Variants in CTNNA2 observed in about 807,000 individuals in gnomAD.
The protein encoded by CTNNA2 is catenin alpha 2.
CTNNA2 carries 42 observed loss-of-function variants against 101.0 expected under a neutral mutation model. The ratio of observed to expected loss-of-function variants is 0.42; its 90% CI spans 0.32 to 0.54. The LOEUF is 0.54. Ranked by LOEUF, CTNNA2 falls within the 20% of genes least tolerant of loss-of-function variation. The pLI, the probability that CTNNA2 is intolerant of heterozygous loss-of-function variation, is 0.14. For synonymous variants in CTNNA2, 450 were observed against 456.4 expected, an observed-to-expected ratio of 0.99 and a Z score of 0.18; for missense variants, 871 against 1,223.1, an observed-to-expected ratio of 0.71 and a Z score of 4.29.
chr2:79,476,732 T>G (rs1671054684), intron 4 of CTNNA2, among the ~76,000 whole-genome samples: 1 of 152,234 alleles, frequency 6.6e-6, no homozygotes, highest in African/African-American at 2.4e-5. Context: ...GTCTGCAGTT[T>G]CTTCAGCTAA....
At chr2:79,722,144 G>T (rs1686527927) in intron 2 of CTNNA2, among the ~76,000 whole-genome samples, 1 of 152,108 alleles carries the variant, frequency 6.6e-6, no homozygotes, top group African/African-American at 2.4e-5. Flanking sequence ...TACATTTTTT[G>T]AACACCCACT....
chr2:79,279,061 C>A (rs890800886), intron 2 of CTNNA2, among the ~76,000 whole-genome samples: 1 of 152,060 alleles, frequency 6.6e-6, no homozygotes, highest in Non-Finnish European at 1.5e-5. Context: ...GATTCATAAG[C>A]ATTTGTTGTG....
intron 9 of CTNNA2, among the ~76,000 whole-genome samples, chr2:80,490,415 T>C (rs1021000836): frequency 1.3e-5 from 2 of 152,006 alleles, no homozygotes; most frequent in Non-Finnish European, 2.9e-5. Flanking sequence ...GAATGAATGA[T>C]TGTAGCTGTG....
intron 7 of CTNNA2, among the ~76,000 whole-genome samples, chr2:79,980,399 G>A (rs1691176959): frequency 6.6e-6 from 1 of 152,104 alleles, no homozygotes; most frequent in African/African-American, 2.4e-5. Context: ...ACATTGATTA[G>A]TACTGGTAAT....
At chr2:79,503,479 A>G (rs1671347963) in intron 4 of CTNNA2, among the ~76,000 whole-genome samples, 1 of 152,180 alleles carries the variant, frequency 6.6e-6, no homozygotes, top group African/African-American at 2.4e-5. Context: ...AAGTGCAGCA[A>G]TGGTGTCACA....
chr2:79,234,381 G>A (rs1313916695), intron 2 of CTNNA2, among the ~76,000 whole-genome samples: 1 of 152,152 alleles, frequency 6.6e-6, no homozygotes, highest in African/African-American at 2.4e-5. Context: ...CCTCTGGCTT[G>A]TAGGGTTTCT....
At chr2:80,453,054 C>T (rs953531897) in intron 9 of CTNNA2, among the ~76,000 whole-genome samples, 3 of 152,072 alleles carry the variant, frequency 2.0e-5, no homozygotes, top group Non-Finnish European at 4.4e-5. Flanking sequence ...ACAGACTGGC[C>T]ACACCCAGTG....
intron 7 of CTNNA2, among the ~76,000 whole-genome samples, chr2:80,391,323 T>G (rs529534982): frequency 6.6e-6 from 1 of 152,294 alleles, no homozygotes; most frequent in South Asian, 2.1e-4. Flanking sequence ...GATATGGCAC[T>G]GGCAGGATGG....
At chr2:80,572,583 A>C (rs1694693447) in intron 12 of CTNNA2, 2 of 152,232 alleles carry the variant, frequency 1.3e-5, no homozygotes, top group Admixed American at 6.5e-5. Context: ...ACTTATTCTC[A>C]AATTCTAATA....
intron 4 of CTNNA2, among the ~76,000 whole-genome samples, chr2:79,865,666 G>C (rs556985554): frequency 6.6e-6 from 1 of 152,336 alleles, no homozygotes; most frequent in East Asian, 1.9e-4. Context: ...CCTTATGGTA[G>C]ACTCTGCATA....
At chr2:79,645,266 C>T (rs1268400717) in intron 1 of CTNNA2, among the ~76,000 whole-genome samples, 2 of 152,062 alleles carry the variant, frequency 1.3e-5, no homozygotes, top group Non-Finnish European at 1.5e-5. Context: ...GGATTATAGA[C>T]GAGAGCAATC....
At chr2:80,011,849 T>C (rs561087142) in intron 7 of CTNNA2, among the ~76,000 whole-genome samples, 1 of 152,282 alleles carries the variant, frequency 6.6e-6, no homozygotes, top group East Asian at 1.9e-4. Context: ...TTGGTTTCAT[T>C]TTAAAGTAGT....
At chr2:79,337,171 T>C (rs1036441745) in intron 3 of CTNNA2, among the ~76,000 whole-genome samples, 1 of 152,230 alleles carries the variant, frequency 6.6e-6, no homozygotes, top group African/African-American at 2.4e-5. Flanking sequence ...GAGATTTCTC[T>C]GCAGCAAAGC....
intron 7 of CTNNA2, among the ~76,000 whole-genome samples, chr2:79,910,092 A>G (rs771123801): frequency 6.6e-6 from 1 of 152,156 alleles, no homozygotes; most frequent in Admixed American, 6.5e-5. Flanking sequence ...AGTAGGTAAG[A>G]TTTCAATTGG....
chr2:79,790,407 A>G (rs1675181284), intron 3 of CTNNA2, among the ~76,000 whole-genome samples: 1 of 152,184 alleles, frequency 6.6e-6, no homozygotes, highest in Non-Finnish European at 1.5e-5. Context: ...AATAATTGGT[A>G]ACCTTTGTGA....
At chr2:79,671,886 GTTTTC>G (rs891949688) in intron 2 of CTNNA2, among the ~76,000 whole-genome samples, 2 of 152,176 alleles carry the variant, frequency 1.3e-5, no homozygotes, top group African/African-American at 4.8e-5. Flanking sequence ...AAGGTAAAAG[GTTTTC>G]TTTTCTGTAG....
At chr2:80,510,304 G>A (rs867945044) in intron 9 of CTNNA2, among the ~76,000 whole-genome samples, 4 of 152,110 alleles carry the variant, frequency 2.6e-5, no homozygotes, top group South Asian at 2.1e-4. Flanking sequence ...ATCTCATGAA[G>A]CTACTTCCTT....
At chr2:79,938,709 C>T (rs1406760807) in intron 7 of CTNNA2, among the ~76,000 whole-genome samples, 1 of 152,032 alleles carries the variant, frequency 6.6e-6, no homozygotes, top group East Asian at 1.9e-4. Flanking sequence ...ATGGCACTTG[C>T]CAATTTTTTT....
At chr2:80,293,773 G>A (rs1675477027) in intron 7 of CTNNA2, among the ~76,000 whole-genome samples, 1 of 152,150 alleles carries the variant, frequency 6.6e-6, no homozygotes, top group Non-Finnish European at 1.5e-5. Flanking sequence ...GCAAATCTGC[G>A]GATGCAGTGG....
Sources: gnomAD v4.1 joint callset for allele counts (sites outside exome capture counted in the v4.1 genomes callset) on GRCh38, gnomAD v4.1.1 for gene constraint, MANE v1.5 for transcripts, NCBI Gene and HGNC (gene_info 2026-07-23, HGNC 2026-07-21) for gene names.